Variants in GPHN observed in about 807,000 individuals in gnomAD.
The protein encoded by GPHN is gephyrin.
In GPHN, 17 loss-of-function variants were observed where a neutral mutation model predicts 95.5. The observed-to-expected ratio is 0.18, with a 90% CI of 0.12 to 0.27. GPHN has a LOEUF of 0.27. GPHN is among the 10% of genes least tolerant of loss of function. The probability of loss-of-function intolerance (pLI) is 1.00; values close to 1 mark genes in which losing one functional copy is unlikely to be tolerated. For missense variants in GPHN, 660 were observed against 978.1 expected (o/e 0.67, Z 4.34); for synonymous variants, 320 against 322.5 (o/e 0.99, Z 0.08).
intron 21 of GPHN, among the ~76,000 whole-genome samples, chr14:67,178,731 G>T (rs1453472033): frequency 6.6e-6 from 1 of 152,188 alleles, no homozygotes; most frequent in African/African-American, 2.4e-5. Context: ...GATCCAGGAA[G>T]TTCAAAGGTC....
chr14:67,328,481 A>G, the GPHN span, among the ~76,000 whole-genome samples: 1 of 151,870 alleles, frequency 6.6e-6, no homozygotes, highest in Non-Finnish European at 1.5e-5. Context: ...AAGCTCTTTA[A>G]TTAGATCCCA....
At chr14:67,633,373 C>T in the GPHN span, among the ~76,000 whole-genome samples, 13 of 151,976 alleles carry the variant, frequency 8.6e-5, no homozygotes, top group African/African-American at 2.7e-4. Context: ...TATTCTATGG[C>T]GATGTATACT....
the GPHN span, among the ~76,000 whole-genome samples, chr14:67,682,294 C>T: frequency 6.6e-6 from 1 of 152,094 alleles, no homozygotes; most frequent in African/African-American, 2.4e-5. Flanking sequence ...TTTTACATTT[C>T]AAAAGATACC....
At chr14:67,072,718 A>G (rs1039459329) in intron 11 of GPHN, among the ~76,000 whole-genome samples, 50 of 151,840 alleles carry the variant, frequency 3.3e-4, no homozygotes, top group African/African-American at 7.2e-4. Flanking sequence ...TTTATTGACT[A>G]TTTTCTAAAA....
the GPHN span, among the ~76,000 whole-genome samples, chr14:67,264,601 C>G: frequency 6.6e-6 from 1 of 151,950 alleles, no homozygotes; most frequent in African/African-American, 2.4e-5. Context: ...ATGTAGATAT[C>G]CAGTGTGGAA....
At chr14:67,347,183 C>T in the GPHN span, among the ~76,000 whole-genome samples, 3 of 152,090 alleles carry the variant, frequency 2.0e-5, no homozygotes, top group Non-Finnish European at 2.9e-5. Flanking sequence ...TGGAGATTTG[C>T]CTGCCTCAGC....
chr14:66,679,672 A>G (rs2066825768), intron 1 of GPHN, among the ~76,000 whole-genome samples: 1 of 152,140 alleles, frequency 6.6e-6, no homozygotes, highest in Non-Finnish European at 1.5e-5. Context: ...CTGCTGACCT[A>G]TATTCAAATT....
At chr14:66,743,166 A>G (rs1566894886) in intron 2 of GPHN, among the ~76,000 whole-genome samples, 1 of 148,246 alleles carries the variant, frequency 6.7e-6, no homozygotes. Context: ...GAGGGACCTG[A>G]TTCCCTGTGT....
intron 2 of GPHN, among the ~76,000 whole-genome samples, chr14:66,739,520 C>CTTTT (rs556885727): frequency 7.4e-6 from 1 of 135,214 alleles, no homozygotes. Context: ...CCGGCCCCTG[C>CTTTT]TTTTTTTTTT....
intron 8 of GPHN, among the ~76,000 whole-genome samples, chr14:66,949,697 T>C (rs1200458868): frequency 6.6e-6 from 1 of 152,180 alleles, no homozygotes; most frequent in East Asian, 1.9e-4. Context: ...TAACAGAGAA[T>C]TTCTATTGTA....
At chr14:66,861,406 TCAA>T (rs1414067543) in intron 4 of GPHN, among the ~76,000 whole-genome samples, 6 of 152,032 alleles carry the variant, frequency 3.9e-5, no homozygotes, top group African/African-American at 2.4e-5. Flanking sequence ...ACTGGAGACT[TCAA>T]CACCCTACTT....
intron 3 of GPHN, among the ~76,000 whole-genome samples, chr14:66,802,540 A>C (rs2153477589): frequency 6.6e-6 from 1 of 152,252 alleles, no homozygotes. Flanking sequence ...GTTTTGCCCC[A>C]TAGCCACCAC....
chr14:66,908,751 A>T (rs1470997738), intron 5 of GPHN, among the ~76,000 whole-genome samples: 1 of 151,956 alleles, frequency 6.6e-6, no homozygotes, highest in Non-Finnish European at 1.5e-5. Flanking sequence ...TGTAATAAAA[A>T]TGGCTGTATA....
the GPHN span, among the ~76,000 whole-genome samples, chr14:67,474,914 CTT>C: frequency 1.8e-4 from 23 of 124,922 alleles, no homozygotes; most frequent in East Asian, 2.3e-4. Flanking sequence ...GAATTTCCTT[CTT>C]TTTTTTTTTT....
At chr14:67,134,892 CT>C (rs2079954545) in intron 17 of GPHN, among the ~76,000 whole-genome samples, 2 of 106,476 alleles carry the variant, frequency 1.9e-5, no homozygotes, top group Non-Finnish European at 2.0e-5. Flanking sequence ...TTTCTTTTTT[CT>C]TCTTTATCTT....
chr14:67,449,283 T>C, the GPHN span, among the ~76,000 whole-genome samples: 3 of 152,188 alleles, frequency 2.0e-5, no homozygotes, highest in Non-Finnish European at 4.4e-5. Flanking sequence ...CCAAATGAGC[T>C]CTACTGTGAA....
chr14:66,812,502 A>T (rs1448032946), intron 3 of GPHN, among the ~76,000 whole-genome samples: 1 of 152,226 alleles, frequency 6.6e-6, no homozygotes, highest in Non-Finnish European at 1.5e-5. Context: ...AAAATTCTAA[A>T]GCAGCTTCTA....
intron 4 of GPHN, among the ~76,000 whole-genome samples, chr14:66,853,797 C>G (rs1472568890): frequency 6.6e-6 from 1 of 152,162 alleles, no homozygotes; most frequent in Non-Finnish European, 1.5e-5. Context: ...TTTGCTTCTA[C>G]TTTTCTTCAT....
the GPHN span, among the ~76,000 whole-genome samples, chr14:67,621,313 T>C: frequency 6.6e-6 from 1 of 152,226 alleles, no homozygotes; most frequent in African/African-American, 2.4e-5. Context: ...GCTTATGATT[T>C]ATCAGTCTCG....
Sources: gnomAD v4.1 joint callset for allele counts (sites outside exome capture counted in the v4.1 genomes callset) on GRCh38, gnomAD v4.1.1 for gene constraint, MANE v1.5 for transcripts, NCBI Gene and HGNC (gene_info 2026-07-23, HGNC 2026-07-21) for gene names.